MAML3: variants seen among roughly 807,000 people sequenced by gnomAD.
MAML3 encodes the protein mastermind-like protein 3.
A neutral mutation model predicts 101.9 loss-of-function variants in MAML3; 27 were observed. That is an observed-to-expected ratio of 0.27 (90% CI 0.20 to 0.37). MAML3 has a LOEUF of 0.37. Among genes scored for constraint, MAML3 ranks in the 10% least tolerant of loss-of-function variants. The probability of loss-of-function intolerance (pLI) is 1.00; values close to 1 mark genes in which losing one functional copy is unlikely to be tolerated. For synonymous variants in MAML3, 501 were observed against 555.9 expected (o/e 0.90, Z 1.39); for missense variants, 1,316 against 1,444.9 (o/e 0.91, Z 1.45).
intron 2 of MAML3, 152 bp downstream of exon 2, chr4:139,889,205 A>T (rs770332183): frequency 2.1e-6 from 3 of 1,416,592 alleles, no homozygotes; most frequent in Admixed American, 3.3e-5. Flanking sequence ...GAAAAAGAAC[A>T]CTCCAAACCT....
intron 1 of MAML3, among the ~76,000 whole-genome samples, chr4:140,101,175 T>C (rs527427347): frequency 5.3e-5 from 8 of 152,296 alleles, no homozygotes; most frequent in African/African-American, 1.9e-4. Flanking sequence ...TTGAACAAAA[T>C]CACAGATATA....
intron 1 of MAML3, among the ~76,000 whole-genome samples, chr4:139,952,601 C>T (rs1320242458): frequency 6.6e-6 from 1 of 152,188 alleles, no homozygotes; most frequent in East Asian, 1.9e-4. Flanking sequence ...ATAAAAATTG[C>T]AGCAGAAATG....
chr4:139,984,302 A>G (rs1450286478), intron 1 of MAML3, among the ~76,000 whole-genome samples: 1 of 152,200 alleles, frequency 6.6e-6, no homozygotes, highest in Non-Finnish European at 1.5e-5. Flanking sequence ...ATGGATGGTG[A>G]TATCATCAAA....
chr4:139,790,202 C>T (rs1235152288), intron 2 of MAML3, among the ~76,000 whole-genome samples: 1 of 125,280 alleles, frequency 8.0e-6, no homozygotes, highest in African/African-American at 3.2e-5. Context: ...GATGTGTCAA[C>T]TCCACCCTAG....
At chr4:139,892,959 T>C (rs1001969777) in intron 1 of MAML3, among the ~76,000 whole-genome samples, 3 of 146,136 alleles carry the variant, frequency 2.1e-5, no homozygotes, top group Admixed American at 6.9e-5. Flanking sequence ...AAGTCCAAAC[T>C]GACTCTTGCC....
chr4:139,730,783 G>C, intron 2 of MAML3, 116 bp from the exon 3 acceptor site: 1 of 949,742 alleles, frequency 1.1e-6, no homozygotes. Flanking sequence ...TGGACTGGAG[G>C]GTTTTTGAGT....
intron 2 of MAML3, among the ~76,000 whole-genome samples, chr4:139,780,744 T>C (rs10016988): frequency 0.34 from 51,586 of 151,434 alleles, 8,909 homozygotes; most frequent in Admixed American, 0.36. Context: ...GATTATCATG[T>C]CTCAGCCTCC....
intron 1 of MAML3, among the ~76,000 whole-genome samples, chr4:140,082,494 C>G (rs1727874569): frequency 6.6e-6 from 1 of 152,204 alleles, no homozygotes; most frequent in African/African-American, 2.4e-5. Context: ...TCCTTCCTCC[C>G]TGCCTGGTTG....
intron 1 of MAML3, among the ~76,000 whole-genome samples, chr4:140,147,882 ACACT>A (rs1451396233): frequency 2.0e-5 from 3 of 150,376 alleles, no homozygotes; most frequent in African/African-American, 4.9e-5. Context: ...CCCTTCTATG[ACACT>A]CACACCAGGG....
intron 1 of MAML3, among the ~76,000 whole-genome samples, chr4:139,980,399 T>C (rs986287525): frequency 6.6e-6 from 1 of 152,188 alleles, no homozygotes; most frequent in African/African-American, 2.4e-5. Flanking sequence ...CCCCAGTCTC[T>C]GAAGCTTTGT....
intron 1 of MAML3, among the ~76,000 whole-genome samples, chr4:139,898,534 T>C (rs1001731158): frequency 1.3e-5 from 2 of 152,232 alleles, no homozygotes; most frequent in Non-Finnish European, 2.9e-5. Flanking sequence ...TCACCCACTA[T>C]AGCAGCCTCT....
intron 1 of MAML3, among the ~76,000 whole-genome samples, chr4:139,953,622 A>C (rs1733867601): frequency 6.6e-6 from 1 of 152,234 alleles, no homozygotes; most frequent in South Asian, 2.1e-4. Context: ...CCGTCTCATA[A>C]AAAAGAAAAC....
chr4:140,032,202 C>A (rs747103281), intron 1 of MAML3, among the ~76,000 whole-genome samples: 2 of 152,092 alleles, frequency 1.3e-5, no homozygotes. Context: ...TGGAAATGAT[C>A]GTAGATATAA....
chr4:139,764,879 G>A (rs936796865), intron 2 of MAML3, among the ~76,000 whole-genome samples: 6 of 152,214 alleles, frequency 3.9e-5, no homozygotes, highest in Non-Finnish European at 7.3e-5. Flanking sequence ...CCGGCATCGC[G>A]GCCACACTCC....
At chr4:140,073,437 C>A (rs917816984) in intron 1 of MAML3, among the ~76,000 whole-genome samples, 15 of 152,076 alleles carry the variant, frequency 9.9e-5, no homozygotes, top group African/African-American at 3.4e-4. Context: ...CTCGCCCAAC[C>A]CTTCACTTTT....
chr4:140,114,909 G>A (rs1169376004), intron 1 of MAML3, among the ~76,000 whole-genome samples: 1 of 152,120 alleles, frequency 6.6e-6, no homozygotes, highest in East Asian at 1.9e-4. Context: ...AATATTGAAT[G>A]AGTGTTAAAA....
At chr4:139,813,095 G>A (rs1394725013) in intron 2 of MAML3, among the ~76,000 whole-genome samples, 4 of 151,274 alleles carry the variant, frequency 2.6e-5, no homozygotes, top group African/African-American at 7.3e-5. Flanking sequence ...TAATATTAAA[G>A]GGTGGGAAGG....
chr4:139,747,097 G>C (rs567669963), intron 2 of MAML3, among the ~76,000 whole-genome samples: 1 of 152,328 alleles, frequency 6.6e-6, no homozygotes, highest in South Asian at 2.1e-4. Context: ...AAAGCAAAGG[G>C]GTTGAGGATG....
rs561448673 is a variant in MAML3 at position 140,120,635 on chromosome 4, T to C, written c.468+32225A>G. Among the ~76,000 whole-genome samples, 8 of 152,346 alleles carry C rather than the reference T, an allele frequency of 5.3e-5. No individual in the cohort carries two copies. The South Asian group carries it at 1.5e-3, about 28-fold the overall frequency. On this transcript the variant is annotated intron_variant, in intron 1 of 4. Coordinates refer to ENST00000509479, the MANE Select transcript of MAML3 (RefSeq NM_018717.5). The stretch of plus-strand genomic sequence containing the variant: ...TATAGTTAGTCCATCAGAATTAATC[T>C]TTTCCCATATAAAGACTGGTCACAG...
Sources: allele counts gnomAD v4.1 joint callset (sites outside exome capture counted in the v4.1 genomes callset), GRCh38; gene constraint gnomAD v4.1.1; transcripts MANE v1.5; gene names NCBI Gene and HGNC (gene_info 2026-07-23, HGNC 2026-07-21).